Variants in KIR3DL2 observed in about 807,000 individuals in gnomAD.
KIR3DL2 encodes killer cell immunoglobulin-like receptor 3DL2.
Under a neutral mutation model 41.6 loss-of-function variants are expected in KIR3DL2, and 42 were observed. The ratio of observed to expected loss-of-function variants is 1.01; its 90% CI spans 0.79 to 1.31. KIR3DL2 has a LOEUF of 1.31. KIR3DL2 is among the 50% of genes most tolerant of loss of function. The pLI is 0.00. For missense variants in KIR3DL2, 728 were observed against 576.8 expected (o/e 1.26, Z -2.68); for synonymous variants, 230 against 221.3 (o/e 1.04, Z -0.35).
chr19:54,853,601 A>T, intron 3 of KIR3DL2, 146 bp from the exon 4 acceptor site: 1 of 890,494 alleles, frequency 1.1e-6, no homozygotes, highest in South Asian at 1.5e-5. Flanking sequence ...GACCTGCACC[A>T]GGGGATATGG....
In KIR3DL2 at chr19:54,853,842, G is replaced by C. The variant is rs879153275; in HGVS notation, c.451G>C (p.Glu151Gln). The change falls in exon 4 of 9, where the codon GAG (glutamate) becomes CAG (glutamine). Residue 151 changes from glutamate (E) to glutamine (Q), a missense_variant. Coordinates refer to ENST00000326321, the MANE Select transcript of KIR3DL2 (RefSeq NM_006737.4). ...GCAATGTTGGTCAGATGTCATGTTT[G>C]AGCACTTCTTTCTGCACAGAGAGGG... ...ILQCWSDVMF[E>Q]HFFLHREGIS... 1 of 1,613,282 alleles carries C rather than the reference G, an allele frequency of 6.2e-7. No individual in the cohort carries two copies. Among genetic ancestry groups the C allele is most frequent in the Middle Eastern group, 1.7e-4 (1 of 6,060 alleles).
At chr19:54,860,106 A>G (rs2065069943) in intron 6 of KIR3DL2, among the ~76,000 whole-genome samples, 2 of 152,108 alleles carry the variant, frequency 1.3e-5, no homozygotes, top group African/African-American at 4.8e-5. Context: ...ACTAGCAACC[A>G]TAATTCCATC....
chr19:54,856,038 G>GT (rs947436452), intron 5 of KIR3DL2, 126 bp downstream of exon 5: 30 of 1,227,598 alleles, frequency 2.4e-5, no homozygotes, highest in Non-Finnish European at 3.4e-5. Context: ...TGTGAGGGGG[G>GT]GGTCAGGGTG....
chr19:54,850,585 G>T, intron 1 of KIR3DL2, 76 bp downstream of exon 1: 2 of 1,562,688 alleles, frequency 1.3e-6, no homozygotes, highest in Non-Finnish European at 1.7e-6. Flanking sequence ...TATGGGCCTG[G>T]AGTGGAGATA....
intron 6 of KIR3DL2, among the ~76,000 whole-genome samples, chr19:54,864,515 T>G (rs1190265205): frequency 6.6e-6 from 1 of 152,224 alleles, no homozygotes; most frequent in African/African-American, 2.4e-5. Flanking sequence ...CATTTGTTTG[T>G]ATCCTCTTTT....
intron 6 of KIR3DL2, among the ~76,000 whole-genome samples, chr19:54,859,993 C>T (rs141178265): frequency 0.012 from 1,834 of 151,958 alleles, 49 homozygotes; most frequent in Non-Finnish European, 0.019. Flanking sequence ...TCCCTTCTTG[C>T]CCTTCTTTTG....
rs572540822 is a variant in KIR3DL2, at chr19:54,860,942, G to A, written c.1000+1813G>A. ...TGTAGAGAGACGGAGAGCACACTGG[G>A]TACACAGGAAACTAAGGAGCAACAA... On this transcript the variant is annotated intron_variant, in intron 6 of 8. Coordinates refer to ENST00000326321, the MANE Select transcript of KIR3DL2 (RefSeq NM_006737.4). 2.1e-4 allele frequency among the ~76,000 whole-genome samples: 29 copies of A among 137,798 alleles called. 1 individual carries two copies. The highest frequency in any genetic ancestry group is 4.3e-4 in the Non-Finnish European group (27 of 63,306). 90.4% of individuals were successfully genotyped at this position (137,798 alleles called of 152,430 possible). A position where few individuals can be genotyped will look rare whatever the true frequency, so the allele number is the denominator to read the frequency against.
In KIR3DL2 at chr19:54,866,830, C is replaced by T; in HGVS notation, c.*99C>T. On this transcript the variant is annotated 3_prime_UTR_variant, in exon 9 of 9. Transcript: ENST00000326321. ...TCTGCATCTTAGGGGATCGCTCTTC[C>T]TCACACCACGAATCTGAACATGCCT... 1.5e-6 allele frequency: 2 copies of T among 1,295,720 alleles called. 1 individual carries two copies. The highest frequency in any genetic ancestry group is 2.6e-5 in the South Asian group (2 of 78,386). The allele number at this position is 1,295,720 out of a possible 1,614,324, so 80.3% of individuals were successfully genotyped here.
intron 6 of KIR3DL2, among the ~76,000 whole-genome samples, chr19:54,863,855 G>A (rs2065338464): frequency 6.6e-6 from 1 of 152,012 alleles, no homozygotes; most frequent in African/African-American, 2.4e-5. Flanking sequence ...AAGCTCTTTA[G>A]TTTAATTAGA....
Position 54,866,852 on chromosome 19 carries a change from GC to G in KIR3DL2, c.*123del. 8.9e-7 allele frequency: 1 copy of G among 1,122,038 alleles called. No individual in the cohort carries two copies. The highest frequency in any genetic ancestry group is 1.6e-5 in the African/African-American group (1 of 63,742). The allele number at this position is 1,122,038 out of a possible 1,614,324, so 69.5% of individuals were successfully genotyped here. ...TTCCTCACACCACGAATCTGAACAT[GC>G]CTCTCTCTTGCTTACAAATGCCTAA... is the stretch of plus-strand genomic sequence containing the variant. On this transcript the variant is annotated 3_prime_UTR_variant, in exon 9 of 9. Coordinates refer to ENST00000326321, the MANE Select transcript of KIR3DL2 (RefSeq NM_006737.4).
At chr19:54,854,179 T>C (rs2064546275) in intron 4 of KIR3DL2, 133 bp downstream of exon 4, 1 of 1,140,334 alleles carries the variant, frequency 8.8e-7, no homozygotes, top group African/African-American at 1.6e-5. Context: ...CGGTGAGGTC[T>C]GTACCAACAG....
chr19:54,862,885 A>G (rs191027714), intron 6 of KIR3DL2, among the ~76,000 whole-genome samples: 2 of 111,028 alleles, frequency 1.8e-5, no homozygotes, highest in African/African-American at 3.5e-5. Context: ...TTTAAGTTTT[A>G]GGGTACATGT....
At chr19:54,863,270 GT>G (rs764987315) in intron 6 of KIR3DL2, among the ~76,000 whole-genome samples, 1 of 151,764 alleles carries the variant, frequency 6.6e-6, no homozygotes, top group Non-Finnish European at 1.5e-5. Context: ...GGACATTTGG[GT>G]TGGTTCCAAG....
Position 54,855,744 on chromosome 19 carries a change from G to C in KIR3DL2, c.781G>C (p.Ala261Pro). The C allele has an allele frequency of 6.2e-7, 1 of 1,613,512 alleles. No homozygotes were observed. The highest frequency in any genetic ancestry group is 8.5e-7 in the Non-Finnish European group (1 of 1,179,952). The change falls in exon 5 of 9, where the codon GCC (alanine) becomes CCC (proline). Residue 261 changes from alanine to proline, a missense_variant. Physicochemically the swap from Ala to Pro is conservative, Grantham distance 27. Coordinates refer to ENST00000326321, the MANE Select transcript of KIR3DL2 (RefSeq NM_006737.4). ...CTACCATCTGTCCAGGGAAGGGGAG[G>C]CCCATGAACGTAGGCTCCGTGCAGT... ...DIYHLSREGEAHERRLRAVPK... is the reference protein window; with the variant it reads ...DIYHLSREGEPHERRLRAVPK...
intron 6 of KIR3DL2, 98 bp downstream of exon 6, chr19:54,859,227 A>T (rs1453257081): frequency 9.1e-7 from 1 of 1,102,616 alleles, no homozygotes; most frequent in Non-Finnish European, 1.4e-6. Context: ...TCTGTGAATG[A>T]GGGCCTGTCT....
intron 3 of KIR3DL2, among the ~76,000 whole-genome samples, chr19:54,852,918 A>G (rs1329589430): frequency 4.0e-5 from 6 of 151,182 alleles, no homozygotes; most frequent in Middle Eastern, 3.2e-3. Flanking sequence ...CAGGAAACCG[A>G]CACAGGAACC....
At chr19:54,863,241 C>A (rs1258446206) in intron 6 of KIR3DL2, among the ~76,000 whole-genome samples, 7 of 151,896 alleles carry the variant, frequency 4.6e-5, no homozygotes, top group Admixed American at 6.6e-5. Context: ...ACATTTTCTT[C>A]ATCCAGTCTA....
rs148964687 is a variant in KIR3DL2 at position 54,852,214 on chromosome 19, G to C, written c.287G>C (p.Arg96Pro). ...TPAHAGTYRC[R>P]GSRPHSLTGW... The stretch of plus-strand genomic sequence containing the variant: ...GCACATGCAGGGACCTACAGATGTC[G>C]GGGTTCACGCCCACACTCCCTCACT... Residue 96 changes from arginine (R) to proline (P), a missense_variant, in exon 3 of 9, where the codon CGG (arginine) becomes CCG (proline). Coordinates refer to ENST00000326321, the MANE Select transcript of KIR3DL2 (RefSeq NM_006737.4). The C allele has an allele frequency of 1.0e-3, 1,662 of 1,611,796 alleles. 57 individuals carry two copies. The African/African-American group carries it at 0.019, about 19-fold the overall frequency.
At chr19:54,865,463 C>T (rs1039577111) in intron 6 of KIR3DL2, among the ~76,000 whole-genome samples, 3 of 152,094 alleles carry the variant, frequency 2.0e-5, no homozygotes, top group African/African-American at 7.2e-5. Flanking sequence ...TTGCTAACCC[C>T]ATCATGTGGG....
Sources: allele counts gnomAD v4.1 joint callset (sites outside exome capture counted in the v4.1 genomes callset), GRCh38; gene constraint gnomAD v4.1.1; transcripts MANE v1.5; gene names NCBI Gene and HGNC (gene_info 2026-07-23, HGNC 2026-07-21).